The following MCPH1 variants were observed in gnomAD, a reference collection of about 807,000 sequenced individuals.
MCPH1 encodes microcephalin 1, also known as microcephalin.
In MCPH1, 104 loss-of-function variants were observed where a neutral mutation model predicts 84.5. That is an observed-to-expected ratio of 1.23 (90% confidence interval 1.05 to 1.45). The LOEUF (loss-of-function observed/expected upper bound fraction) is 1.45, where lower values mean the gene tolerates loss of function less well. Ranked by LOEUF, MCPH1 falls within the 40% of genes most tolerant of loss-of-function variation. The pLI, the probability that MCPH1 is intolerant of heterozygous loss-of-function variation, is 0.00. For synonymous variants in MCPH1, 514 were observed against 366.8 expected (o/e 1.40, Z -4.58); for missense variants, 1,498 against 1,005.7 (o/e 1.49, Z -6.62).
At chr8:6,632,770 T>C (rs946100421) in intron 13 of MCPH1, among the ~76,000 whole-genome samples, 7 of 151,806 alleles carry the variant, frequency 4.6e-5, no homozygotes, top group Admixed American at 6.6e-5. Context: ...GAGTGCGCCA[T>C]TGCACTCCAG....
intron 4 of MCPH1, among the ~76,000 whole-genome samples, chr8:6,434,692 T>A (rs1802382318): frequency 6.6e-6 from 1 of 152,212 alleles, no homozygotes; most frequent in Non-Finnish European, 1.5e-5. Flanking sequence ...AGTATAGGCA[T>A]TAGCCTTGAG....
intron 12 of MCPH1, among the ~76,000 whole-genome samples, chr8:6,576,875 C>T (rs1162213587): frequency 6.6e-6 from 1 of 151,888 alleles, no homozygotes; most frequent in Non-Finnish European, 1.5e-5. Context: ...CTACTGTCTT[C>T]TCTAAAATGG....
chr8:6,556,311 C>G (rs1480565288), intron 12 of MCPH1, among the ~76,000 whole-genome samples: 2 of 151,986 alleles, frequency 1.3e-5, no homozygotes. Flanking sequence ...TACTTTTTGT[C>G]ATTCTTTGTA....
chr8:6,487,569 G>C (rs754812487), intron 11 of MCPH1, among the ~76,000 whole-genome samples: 2 of 152,220 alleles, frequency 1.3e-5, no homozygotes, highest in African/African-American at 2.4e-5. Context: ...TCAGTTGGCA[G>C]ATTAACTTCA....
chr8:6,442,222 A>G (rs1173500699), intron 7 of MCPH1, 66 bp downstream of exon 7: 4 of 1,048,190 alleles, frequency 3.8e-6, no homozygotes, highest in Non-Finnish European at 5.9e-6. Context: ...TTTCTGATTT[A>G]GAATTTCATG....
At position 6,431,575 on chromosome 8, in the gene MCPH1, A is replaced by G. The variant is rs1563198055; in HGVS notation, c.310A>G (p.Ile104Val). ...ANMNEHLSSL[I>V]KKKRKCMQPK... is the part of the protein sequence containing the mutation. Reference sequence around the variant, plus strand: ...TATGAATGAACACTTATCAAGCCTAATTAAAAAAAAAGTAAGTACATGATT... The same window carrying G: ...TATGAATGAACACTTATCAAGCCTAGTTAAAAAAAAAGTAAGTACATGATT... Residue 104 changes from isoleucine (I) to valine (V), a missense_variant, in exon 4 of 14, where the codon ATT becomes GTT. Physicochemically the swap from Ile to Val is conservative, Grantham distance 29. Coordinates refer to ENST00000344683, the MANE Select transcript of MCPH1 (RefSeq NM_024596.5). 2 of 1,608,452 alleles carry G rather than the reference A, an allele frequency of 1.2e-6. No individual in the cohort carries two copies. The highest frequency in any genetic ancestry group is 1.7e-6 in the Non-Finnish European group (2 of 1,176,050).
chr8:6,623,056 T>G (rs1831639666), intron 13 of MCPH1, among the ~76,000 whole-genome samples: 1 of 148,652 alleles, frequency 6.7e-6, no homozygotes, highest in East Asian at 2.0e-4. Context: ...TCTCCCTATG[T>G]TGCCCAGGAT....
chr8:6,562,587 A>G (rs1825728697), intron 12 of MCPH1: 1 of 138,526 alleles, frequency 7.2e-6, no homozygotes, highest in Non-Finnish European at 1.3e-5. Context: ...TTAAAACCTG[A>G]GCTGCTGCCA....
chr8:6,559,965 C>T (rs1050028399), intron 12 of MCPH1, among the ~76,000 whole-genome samples: 1 of 152,164 alleles, frequency 6.6e-6, no homozygotes, highest in African/African-American at 2.4e-5. Flanking sequence ...CTTCCTTTGC[C>T]GGACAGATTA....
chr8:6,426,192 A>G (rs1391323087), intron 3 of MCPH1, among the ~76,000 whole-genome samples: 2 of 152,202 alleles, frequency 1.3e-5, no homozygotes, highest in Non-Finnish European at 2.9e-5. Flanking sequence ...TTTTAAAATC[A>G]GCTTTATAAA....
chr8:6,413,962 C>T (rs1798893634), intron 2 of MCPH1, among the ~76,000 whole-genome samples: 2 of 152,106 alleles, frequency 1.3e-5, no homozygotes, highest in Admixed American at 6.6e-5. Context: ...TCCATGTTGG[C>T]CAGGCTAGTC....
intron 12 of MCPH1, among the ~76,000 whole-genome samples, chr8:6,539,679 C>G (rs1353545464): frequency 6.6e-6 from 1 of 152,162 alleles, no homozygotes; most frequent in South Asian, 2.1e-4. Flanking sequence ...CTCTGCCTCC[C>G]TGGTTCAAAC....
In MCPH1 at chr8:6,410,325, A is replaced by AT. The variant is rs559949199; in HGVS notation, c.114+956dup. ...GAACTAGAATGGAGTAATTTTAAAG[A>AT]TAGAATTTTTAAAAACTACAGAAAG... On this transcript the variant is annotated intron_variant, in intron 2 of 13. Transcript: ENST00000344683. Among the ~76,000 whole-genome samples the AT allele has an allele frequency of 2.2e-3, 333 of 152,258 alleles. 3 individuals are homozygous for AT. The highest frequency in any genetic ancestry group is 6.9e-4 in the Non-Finnish European group (47 of 68,022).
At position 6,444,789 on chromosome 8, in the gene MCPH1, GAA is replaced by G. The variant is rs1804035465; in HGVS notation, c.1071_1072del (p.Arg358SerfsTer48). 4 of 1,613,892 alleles carry G rather than the reference GAA, an allele frequency of 2.5e-6. No homozygotes were observed. Among genetic ancestry groups the G allele is most frequent in the East Asian group, 4.5e-5 (2 of 44,876 alleles). ...AGACCCAGGAGTTCCTCAGTAAAGA[GAA>G]AAAGAGTATCACATGGCTCCCATTC... On this transcript the variant is annotated frameshift_variant, in exon 8 of 14. Transcript: ENST00000344683. LOFTEE classifies it high-confidence loss of function.
intron 12 of MCPH1, among the ~76,000 whole-genome samples, chr8:6,584,856 A>C (rs1249948098): frequency 6.6e-6 from 1 of 152,218 alleles, no homozygotes; most frequent in Non-Finnish European, 1.5e-5. Flanking sequence ...CCCTAGTTGC[A>C]CAGTTACCCC....
intron 12 of MCPH1, among the ~76,000 whole-genome samples, chr8:6,594,568 G>C (rs560231009): frequency 6.6e-6 from 1 of 152,228 alleles, no homozygotes; most frequent in Non-Finnish European, 1.5e-5. Flanking sequence ...TGCTGAGGGC[G>C]TCCTGGGCAC....
chr8:6,593,964 G>A (rs186614333), intron 12 of MCPH1, among the ~76,000 whole-genome samples: 6 of 152,234 alleles, frequency 3.9e-5, no homozygotes, highest in African/African-American at 1.4e-4. Flanking sequence ...ATGGATAGAA[G>A]GCTGGTGGTG....
At chr8:6,637,434 A>G (rs934561708) in intron 13 of MCPH1, among the ~76,000 whole-genome samples, 1 of 152,152 alleles carries the variant, frequency 6.6e-6, no homozygotes, top group Non-Finnish European at 1.5e-5. Flanking sequence ...AGAGGTCAGG[A>G]GAAGCGGTAA....
At chr8:6,480,974 C>A in intron 11 of MCPH1, 98 bp downstream of exon 11, 2 of 1,356,182 alleles carry the variant, frequency 1.5e-6, no homozygotes, top group South Asian at 1.2e-5. Flanking sequence ...CGGCGTGCAC[C>A]CTTGTGGATC....
Sources: allele counts gnomAD v4.1 joint callset (sites outside exome capture counted in the v4.1 genomes callset), GRCh38; gene constraint gnomAD v4.1.1; transcripts MANE v1.5; gene names NCBI Gene and HGNC (gene_info 2026-07-23, HGNC 2026-07-21).